DCC: variants seen among roughly 807,000 people sequenced by gnomAD.
DCC encodes netrin receptor DCC.
A neutral mutation model predicts 172.5 loss-of-function variants in DCC; 58 were observed. The observed-to-expected ratio is 0.34, with a 90% CI of 0.27 to 0.42. The LOEUF is 0.42. DCC is among the 10% of genes least tolerant of loss of function. The pLI is 1.00. For synonymous variants in DCC, 709 were observed against 644.5 expected, an observed-to-expected ratio of 1.10 and a Z score of -1.52; for missense variants, 1,740 against 1,791.0, an observed-to-expected ratio of 0.97 and a Z score of 0.51.
chr18:52,889,285 T>A (rs1397432901), intron 2 of DCC, among the ~76,000 whole-genome samples: 2 of 152,154 alleles, frequency 1.3e-5, no homozygotes, highest in Admixed American at 6.6e-5. Flanking sequence ...GATTTGTATA[T>A]ATTCAGATCC....
At chr18:52,569,765 T>C (rs902232762) in intron 1 of DCC, among the ~76,000 whole-genome samples, 1 of 152,164 alleles carries the variant, frequency 6.6e-6, no homozygotes, top group Non-Finnish European at 1.5e-5. Flanking sequence ...GATAAGTAGA[T>C]TAGCATTAAC....
At chr18:52,997,851 G>A (rs1015537023) in intron 5 of DCC, among the ~76,000 whole-genome samples, 14 of 151,818 alleles carry the variant, frequency 9.2e-5, no homozygotes, top group Non-Finnish European at 1.3e-4. Context: ...TTTCTAGAAC[G>A]CTTTCTCCCC....
chr18:52,986,876 G>T (rs949867035), intron 5 of DCC, among the ~76,000 whole-genome samples: 2 of 149,926 alleles, frequency 1.3e-5, no homozygotes, highest in Non-Finnish European at 1.5e-5. Context: ...ATATATATGC[G>T]CAGTGGTGTG....
intron 10 of DCC, among the ~76,000 whole-genome samples, chr18:53,206,642 T>C (rs1257144956): frequency 6.8e-6 from 1 of 146,320 alleles, no homozygotes; most frequent in East Asian, 2.0e-4. Context: ...TGTATACATA[T>C]ATATAATATA....
intron 5 of DCC, among the ~76,000 whole-genome samples, chr18:53,045,585 A>G (rs1161487043): frequency 6.6e-6 from 1 of 151,858 alleles, no homozygotes. Flanking sequence ...ACAATATGCA[A>G]GGTCCTCTAA....
At chr18:53,300,048 A>G (rs978474163) in intron 12 of DCC, among the ~76,000 whole-genome samples, 1 of 152,230 alleles carries the variant, frequency 6.6e-6, no homozygotes, top group Non-Finnish European at 1.5e-5. Flanking sequence ...TAGTGGAAAC[A>G]AAGTAAAGGA....
At position 53,063,337 on chromosome 18, in the gene DCC, C is replaced by A; in HGVS notation, c.1018C>A (p.Leu340Met). The change falls in exon 6 of 29, where the codon CTG becomes ATG. Residue 340 changes from leucine (L) to methionine (M), a missense_variant. Physicochemically the swap from Leu to Met is conservative, Grantham distance 15. Transcript: ENST00000442544. ...ATGGTTTTTAAATCATCCTTCCAAC[C>A]TGTATGCCTATGAAAGCATGGATAT... is the stretch of plus-strand genomic sequence containing the variant. The part of the protein sequence containing the change: ...PPWFLNHPSN[L>M]YAYESMDIEF... The A allele has an allele frequency of 1.2e-6, 2 of 1,613,118 alleles. No homozygotes were observed. The highest frequency in any genetic ancestry group is 1.7e-6 in the Non-Finnish European group (2 of 1,179,430).
chr18:53,011,376 G>A (rs1256323375), intron 5 of DCC, among the ~76,000 whole-genome samples: 1 of 151,048 alleles, frequency 6.6e-6, no homozygotes, highest in Non-Finnish European at 1.5e-5. Flanking sequence ...ATATTTTTTA[G>A]CTTTGACTGT....
At chr18:52,704,859 C>T (rs2145042992) in intron 1 of DCC, among the ~76,000 whole-genome samples, 1 of 152,304 alleles carries the variant, frequency 6.6e-6, no homozygotes, top group East Asian at 1.9e-4. Flanking sequence ...CAATCCTTTT[C>T]ATTTAGCCTC....
chr18:52,746,966 G>GGGA (rs573886015), intron 1 of DCC, among the ~76,000 whole-genome samples: 248 of 150,812 alleles, frequency 1.6e-3, no homozygotes, highest in African/African-American at 5.4e-3. Context: ...GAAGTGTAAG[G>GGGA]GGAGGAGGAG....
intron 1 of DCC, among the ~76,000 whole-genome samples, chr18:52,727,038 T>C (rs1427995205): frequency 2.0e-5 from 3 of 152,180 alleles, no homozygotes; most frequent in African/African-American, 7.2e-5. Context: ...ATGTCTCACA[T>C]ATAACTCAGA....
intron 14 of DCC, among the ~76,000 whole-genome samples, chr18:53,335,700 A>G (rs1184473212): frequency 6.6e-6 from 1 of 152,138 alleles, no homozygotes; most frequent in Non-Finnish European, 1.5e-5. Flanking sequence ...GACTCTAGTA[A>G]AAATTTGGGG....
intron 1 of DCC, among the ~76,000 whole-genome samples, chr18:52,401,455 T>C (rs1177715816): frequency 6.6e-6 from 1 of 151,988 alleles, no homozygotes; most frequent in East Asian, 1.9e-4. Context: ...CTGAAGCAAA[T>C]TGACCTTTAG....
At chr18:52,907,663 G>A (rs1418848119) in intron 3 of DCC, among the ~76,000 whole-genome samples, 2 of 152,096 alleles carry the variant, frequency 1.3e-5, no homozygotes, top group African/African-American at 2.4e-5. Context: ...CAATCTGCCT[G>A]CCTCAGCCTC....
intron 12 of DCC, among the ~76,000 whole-genome samples, chr18:53,267,908 T>C (rs2056701139): frequency 6.6e-6 from 1 of 152,190 alleles, no homozygotes; most frequent in Non-Finnish European, 1.5e-5. Context: ...TGGTACAGAT[T>C]GATTACTTCT....
At chr18:52,406,896 A>T (rs1315294263) in intron 1 of DCC, among the ~76,000 whole-genome samples, 1 of 151,954 alleles carries the variant, frequency 6.6e-6, no homozygotes, top group African/African-American at 2.4e-5. Context: ...CCCATGTGTG[A>T]GTCTGTATGT....
chr18:53,299,533 T>G (rs1270514774), intron 12 of DCC, among the ~76,000 whole-genome samples: 1 of 152,190 alleles, frequency 6.6e-6, no homozygotes, highest in Non-Finnish European at 1.5e-5. Context: ...CCTTGTAAAG[T>G]CCTTTTGGTC....
intron 2 of DCC, among the ~76,000 whole-genome samples, chr18:52,879,281 T>G (rs2039445453): frequency 1.3e-5 from 2 of 152,146 alleles, no homozygotes. Context: ...TGTGTCTACA[T>G]GAAACCTTAA....
intron 5 of DCC, among the ~76,000 whole-genome samples, chr18:52,957,115 T>G (rs2040757331): frequency 6.6e-6 from 1 of 152,166 alleles, no homozygotes; most frequent in Non-Finnish European, 1.5e-5. Context: ...TGAAGATATG[T>G]GAAAGGATAT....
Sources: gnomAD v4.1 joint callset for allele counts (sites outside exome capture counted in the v4.1 genomes callset) on GRCh38, gnomAD v4.1.1 for gene constraint, MANE v1.5 for transcripts, NCBI Gene and HGNC (gene_info 2026-07-23, HGNC 2026-07-21) for gene names.